The following CNOT10 variants were observed in gnomAD, a reference collection of about 807,000 sequenced individuals.
The protein encoded by CNOT10 is CCR4-NOT transcription complex, subunit 10.
A neutral mutation model predicts 94.6 loss-of-function variants in CNOT10; 30 were observed. That is an observed-to-expected ratio of 0.32 (90% CI 0.24 to 0.43). CNOT10 has a LOEUF of 0.43. Ranked by LOEUF, CNOT10 falls within the 20% of genes least tolerant of loss-of-function variation. CNOT10 has a pLI of 1.00. For missense variants in CNOT10, 759 were observed against 877.2 expected (o/e 0.87, Z 1.70); for synonymous variants, 289 against 301.6 (o/e 0.96, Z 0.43).
intron 13 of CNOT10, chr3:32,753,687 CAAAG>C (rs1700065830): frequency 1.3e-6 from 2 of 1,585,000 alleles, no homozygotes; most frequent in Non-Finnish European, 1.7e-6. Flanking sequence ...TGGGTAAAAT[CAAAG>C]AAGAAGAAAA....
At chr3:32,690,918 ATATC>A (rs1402915171) in intron 1 of CNOT10, among the ~76,000 whole-genome samples, 1 of 151,894 alleles carries the variant, frequency 6.6e-6, no homozygotes, top group Non-Finnish European at 1.5e-5. Flanking sequence ...AATAAAATGA[ATATC>A]TATATATCTA....
chr3:32,770,317 ATTTTT>A (rs57427218), intron 18 of CNOT10, among the ~76,000 whole-genome samples: 7 of 46,276 alleles, frequency 1.5e-4, no homozygotes, highest in Non-Finnish European at 7.9e-5. Context: ...CAAGGCTGAG[ATTTTT>A]TTTTTTTTTT....
chr3:32,756,463 G>A (rs577728089), intron 13 of CNOT10, among the ~76,000 whole-genome samples: 116 of 152,296 alleles, frequency 7.6e-4, no homozygotes, highest in Non-Finnish European at 1.4e-3. Flanking sequence ...GTGGGCTGGA[G>A]CAGTAATAGC....
At chr3:32,736,495 C>T (rs1458677269) in intron 12 of CNOT10, among the ~76,000 whole-genome samples, 2 of 152,110 alleles carry the variant, frequency 1.3e-5, no homozygotes, top group African/African-American at 4.8e-5. Flanking sequence ...AAAATTTGGG[C>T]CAGGCATGGT....
intron 5 of CNOT10, among the ~76,000 whole-genome samples, chr3:32,714,276 A>G (rs1237919510): frequency 6.6e-6 from 1 of 152,080 alleles, no homozygotes; most frequent in Non-Finnish European, 1.5e-5. Flanking sequence ...AAGGATGTAC[A>G]TTGAGCATCT....
intron 13 of CNOT10, among the ~76,000 whole-genome samples, chr3:32,747,713 G>GC (rs1282113270): frequency 6.6e-6 from 1 of 152,108 alleles, no homozygotes; most frequent in Non-Finnish European, 1.5e-5. Context: ...ACTTTGGGAG[G>GC]CCGAGACGGG....
chr3:32,757,693 A>C (rs1227431436), intron 13 of CNOT10, among the ~76,000 whole-genome samples: 1 of 152,198 alleles, frequency 6.6e-6, no homozygotes, highest in Non-Finnish European at 1.5e-5. Flanking sequence ...TCTTCTGAAG[A>C]TGAGAGATAA....
At chr3:32,755,044 C>T (rs533231499) in intron 13 of CNOT10, among the ~76,000 whole-genome samples, 19 of 151,398 alleles carry the variant, frequency 1.3e-4, no homozygotes, top group African/African-American at 4.1e-4. Context: ...GTCAGGAGTT[C>T]GAGACCAGCC....
intron 17 of CNOT10, among the ~76,000 whole-genome samples, chr3:32,768,319 C>T (rs991513120): frequency 6.6e-6 from 1 of 151,842 alleles, no homozygotes; most frequent in African/African-American, 2.4e-5. Context: ...CAGTGGCTCA[C>T]ATCTGTAATC....
chr3:32,770,031 G>A lies in CNOT10; in HGVS notation c.2080+69G>A, dbSNP rs1031018037. ...CTGAGATTTTTTGGTTGGGAGACAG[G>A]GTCTCACTGTGTTGCCCAGGCTGGA... On this transcript the variant is annotated intron_variant, in intron 18 of 18. Coordinates refer to ENST00000328834, the MANE Select transcript of CNOT10 (RefSeq NM_015442.3). The A allele has an allele frequency of 6.6e-6, 8 of 1,215,080 alleles. No individual in the cohort carries two copies. In the Admixed American group the frequency reaches 1.4e-4, roughly 21 times the overall value. 75.3% of individuals were successfully genotyped at this position (1,215,080 alleles called of 1,614,324 possible).
intron 1 of CNOT10, chr3:32,695,911 G>A (rs1697031284): frequency 1.3e-5 from 14 of 1,046,272 alleles, no homozygotes; most frequent in Non-Finnish European, 1.9e-5. Context: ...ATTTCTGGCA[G>A]AAAACTCGAG....
chr3:32,720,932 T>C (rs1433679555), intron 8 of CNOT10, among the ~76,000 whole-genome samples: 1 of 125,854 alleles, frequency 7.9e-6, no homozygotes, highest in Non-Finnish European at 1.7e-5. Flanking sequence ...CCTTCCTTCC[T>C]TCCCTTCTTC....
intron 3 of CNOT10, among the ~76,000 whole-genome samples, chr3:32,706,390 T>C (rs1165229490): frequency 6.6e-6 from 1 of 152,220 alleles, no homozygotes; most frequent in African/African-American, 2.4e-5. Flanking sequence ...TTTGTGAAGT[T>C]CTTTCACTAG....
intron 13 of CNOT10, among the ~76,000 whole-genome samples, chr3:32,746,221 G>C (rs1035883060): frequency 2.6e-5 from 4 of 152,172 alleles, no homozygotes; most frequent in Non-Finnish European, 5.9e-5. Context: ...TTAAGCAGCA[G>C]ACCCCAGCCT....
chr3:32,760,047 T>C (rs1247986683), intron 14 of CNOT10, among the ~76,000 whole-genome samples: 1 of 151,930 alleles, frequency 6.6e-6, no homozygotes, highest in East Asian at 1.9e-4. Context: ...CTGGGCGTAG[T>C]GGCGGGCACC....
chr3:32,747,415 C>G (rs1699747322), intron 13 of CNOT10, among the ~76,000 whole-genome samples: 1 of 152,054 alleles, frequency 6.6e-6, no homozygotes, highest in Non-Finnish European at 1.5e-5. Context: ...AAGAGTGAAA[C>G]TCCGTCTCAA....
intron 18 of CNOT10, among the ~76,000 whole-genome samples, chr3:32,773,022 T>C (rs551739541): frequency 1.3e-5 from 2 of 152,110 alleles, no homozygotes; most frequent in African/African-American, 4.8e-5. Context: ...TGCACCACCA[T>C]GCCCAGCTAA....
intron 2 of CNOT10, 63 bp downstream of exon 2, chr3:32,704,025 ATAGTGAAT>A (rs756509702): frequency 2.4e-4 from 244 of 997,782 alleles, no homozygotes; most frequent in Non-Finnish European, 3.4e-4. Flanking sequence ...GAATCTTTTC[ATAGTGAAT>A]TTTTAAATTT....
At chr3:32,729,795 G>A (rs1276691245) in intron 10 of CNOT10, among the ~76,000 whole-genome samples, 1 of 105,866 alleles carries the variant, frequency 9.4e-6, no homozygotes, top group Non-Finnish European at 1.7e-5. Context: ...TTGAGACGGA[G>A]TCTCGCCCTG....
Sources: allele counts gnomAD v4.1 joint callset (sites outside exome capture counted in the v4.1 genomes callset), GRCh38; gene constraint gnomAD v4.1.1; transcripts MANE v1.5; gene names NCBI Gene and HGNC (gene_info 2026-07-23, HGNC 2026-07-21).